PHF14: variants seen among roughly 807,000 people sequenced by gnomAD.
The protein encoded by PHF14 is PHD finger protein 14.
PHF14 carries 55 observed loss-of-function variants against 117.9 expected under a neutral mutation model. The ratio of observed to expected loss-of-function variants is 0.47; its 90% CI spans 0.38 to 0.58. PHF14 has a LOEUF of 0.58. Ranked by LOEUF, PHF14 falls within the 20% of genes least tolerant of loss-of-function variation. PHF14 has a pLI of 0.00. For synonymous variants in PHF14, 409 were observed against 368.6 expected (o/e 1.11, Z -1.26); for missense variants, 978 against 1,122.2 (o/e 0.87, Z 1.84).
At chr7:11,130,000 A>C (rs77978955) in intron 17 of PHF14, among the ~76,000 whole-genome samples, 1 of 151,976 alleles carries the variant, frequency 6.6e-6, no homozygotes, top group Non-Finnish European at 1.5e-5. Context: ...TAAGTTATGC[A>C]GCAAAAAAAA....
At chr7:11,104,100 G>T (rs1431319532) in intron 16 of PHF14, 13 of 984,648 alleles carry the variant, frequency 1.3e-5, no homozygotes, top group Non-Finnish European at 1.6e-5. Flanking sequence ...GAAATTACTC[G>T]CAGTTGCTTT....
chr7:11,070,356 G>T (rs1785573312), intron 16 of PHF14, among the ~76,000 whole-genome samples: 1 of 152,188 alleles, frequency 6.6e-6, no homozygotes, highest in East Asian at 1.9e-4. Context: ...GGGATTACAG[G>T]CATGAGCCGC....
intron 17 of PHF14, among the ~76,000 whole-genome samples, chr7:11,134,995 C>G (rs1788180193): frequency 6.6e-6 from 1 of 152,090 alleles, no homozygotes; most frequent in African/African-American, 2.4e-5. Flanking sequence ...CCTTTTTCTT[C>G]ACTTGACAGA....
At chr7:11,019,250 G>GAA (rs1297880208) in intron 5 of PHF14, among the ~76,000 whole-genome samples, 1 of 152,138 alleles carries the variant, frequency 6.6e-6, no homozygotes, top group Non-Finnish European at 1.5e-5. Context: ...TGGCCTCATA[G>GAA]AATGAGTTTG....
intron 16 of PHF14, among the ~76,000 whole-genome samples, chr7:11,083,403 C>T (rs1014478459): frequency 6.6e-6 from 1 of 151,848 alleles, no homozygotes; most frequent in Non-Finnish European, 1.5e-5. Flanking sequence ...CACTCCCACC[C>T]CGTATCATCG....
rs1278194436 is a variant in PHF14, at chr7:11,102,663, C to T, written c.2655-8687C>T. The stretch of plus-strand genomic sequence containing the variant: ...TGTCACTGCAAAAAGTTGCCTTTTG[C>T]TTGTCAGGTTTGGATAGAATATAAT... On this transcript the variant is annotated intron_variant, in intron 16 of 17. Transcript: ENST00000634607. 5 of 1,492,146 alleles carry T rather than the reference C, an allele frequency of 3.4e-6. No homozygotes were observed. The South Asian group carries it at 5.4e-5, about 16-fold the overall frequency. 92.4% of individuals were successfully genotyped at this position (1,492,146 alleles called of 1,614,324 possible).
At chr7:11,044,543 A>G (rs574803544) in intron 13 of PHF14, among the ~76,000 whole-genome samples, 11 of 152,316 alleles carry the variant, frequency 7.2e-5, no homozygotes, top group African/African-American at 2.4e-4. Flanking sequence ...TTTGGTTAGC[A>G]GTTAACTGGG....
chr7:11,148,430 A>G (rs1788613106), intron 17 of PHF14, among the ~76,000 whole-genome samples: 1 of 152,154 alleles, frequency 6.6e-6, no homozygotes, highest in South Asian at 2.1e-4. Context: ...CTCACAGATC[A>G]GTACATGACT....
At chr7:11,024,944 G>A (rs1231832532) in intron 6 of PHF14, among the ~76,000 whole-genome samples, 1 of 152,158 alleles carries the variant, frequency 6.6e-6, no homozygotes, top group Admixed American at 6.5e-5. Flanking sequence ...TTCCTCTGAT[G>A]GATCTGGGCA....
chr7:11,059,130 A>G (rs544313393), intron 14 of PHF14, among the ~76,000 whole-genome samples: 9 of 152,176 alleles, frequency 5.9e-5, no homozygotes, highest in Non-Finnish European at 1.3e-4. Context: ...GTGTGATTGA[A>G]TCACTAATTG....
At chr7:10,988,016 C>CAAA (rs60714759) in intron 3 of PHF14, among the ~76,000 whole-genome samples, 28 of 115,584 alleles carry the variant, frequency 2.4e-4, no homozygotes, top group African/African-American at 7.3e-4. Context: ...AACTCCTTCT[C>CAAA]AAAAAAAAAA....
intron 16 of PHF14, among the ~76,000 whole-genome samples, chr7:11,066,941 TAAC>T: frequency 6.6e-6 from 1 of 152,296 alleles, no homozygotes; most frequent in South Asian, 2.1e-4. Context: ...GCATAGGTAA[TAAC>T]AGCAACAAAA....
rs115411901 is a variant in PHF14, at chr7:11,009,557, A to G, written c.1046-4190A>G. 1.8e-3 allele frequency among the ~76,000 whole-genome samples: 268 copies of G among 152,302 alleles called. 2 individuals are homozygous for G. Among genetic ancestry groups the G allele is most frequent in the African/African-American group, 6.0e-3 (248 of 41,560 alleles). On this transcript the variant is annotated intron_variant, in intron 4 of 17. Transcript: ENST00000634607. Reference sequence around the variant, plus strand: ...ATGAAAAAGAAAATATGTTTCCCATACTCATGTTTTATATGGAAGAGAGAA... The same window carrying G: ...ATGAAAAAGAAAATATGTTTCCCATGCTCATGTTTTATATGGAAGAGAGAA...
intron 4 of PHF14, among the ~76,000 whole-genome samples, chr7:11,007,168 G>A (rs1009303445): frequency 2.0e-5 from 3 of 151,892 alleles, no homozygotes; most frequent in African/African-American, 4.8e-5. Flanking sequence ...ACTCCAGCCC[G>A]GGTAACAAGA....
At chr7:11,020,729 C>CAACA (rs1783706291) in intron 5 of PHF14, among the ~76,000 whole-genome samples, 1 of 151,966 alleles carries the variant, frequency 6.6e-6, no homozygotes, top group African/African-American at 2.4e-5. Flanking sequence ...AGTCTTAGTT[C>CAACA]TGTCCCTTGC....
At chr7:10,980,451 A>G (rs1360619049) in intron 2 of PHF14, among the ~76,000 whole-genome samples, 1 of 152,130 alleles carries the variant, frequency 6.6e-6, no homozygotes. Context: ...AGAGATTACT[A>G]TTATTGTTAT....
rs1781768193 is a variant in PHF14, at chr7:10,973,907, T to G, written c.-417T>G. 5.7e-6 allele frequency: 1 copy of G among 175,424 alleles called. No homozygotes were observed. Among genetic ancestry groups the G allele is most frequent in the Admixed American group, 5.7e-5 (1 of 17,496 alleles). The allele number at this position is 175,424 out of a possible 1,614,324, so 10.9% of individuals were successfully genotyped here. On this transcript the variant is annotated 5_prime_UTR_variant, in exon 1 of 18. Coordinates refer to ENST00000634607, the MANE Select transcript of PHF14 (RefSeq NM_001007157.2). ...CAGAGCTGTATCCGGGTCGCTGCTTTCCCTATTGTCTGAGGCAGCCGCCCT... is the reference window on the plus strand; with the variant it reads ...CAGAGCTGTATCCGGGTCGCTGCTTGCCCTATTGTCTGAGGCAGCCGCCCT...
At chr7:11,008,189 C>T (rs538782325) in intron 4 of PHF14, among the ~76,000 whole-genome samples, 2 of 152,284 alleles carry the variant, frequency 1.3e-5, no homozygotes, top group South Asian at 2.1e-4. Context: ...AGAGATGTTT[C>T]CCCCTATTTA....
chr7:11,134,718 C>G (rs2128349512), intron 17 of PHF14, among the ~76,000 whole-genome samples: 1 of 152,142 alleles, frequency 6.6e-6, no homozygotes, highest in East Asian at 1.9e-4. Flanking sequence ...TCATTAAGCA[C>G]TTCAGAAATT....
Sources: gnomAD v4.1 joint callset for allele counts (sites outside exome capture counted in the v4.1 genomes callset) on GRCh38, gnomAD v4.1.1 for gene constraint, MANE v1.5 for transcripts, NCBI Gene and HGNC (gene_info 2026-07-23, HGNC 2026-07-21) for gene names.